CUL3: variants seen among roughly 807,000 people sequenced by gnomAD.
CUL3 encodes the protein cullin 3, also known as cullin-3.
A neutral mutation model predicts 89.1 loss-of-function variants in CUL3; 19 were observed. That is an observed-to-expected ratio of 0.21 (90% CI 0.15 to 0.31). The LOEUF is 0.31. Ranked by LOEUF, CUL3 falls within the 10% of genes least tolerant of loss-of-function variation. The pLI, the probability that CUL3 is intolerant of heterozygous loss-of-function variation, is 1.00. For synonymous variants in CUL3, 351 were observed against 308.4 expected, an observed-to-expected ratio of 1.14 and a Z score of -1.45; for missense variants, 469 against 942.3, an observed-to-expected ratio of 0.50 and a Z score of 6.58.
At chr2:224,488,469 C>G (rs1271714291) in intron 13 of CUL3, among the ~76,000 whole-genome samples, 1 of 152,186 alleles carries the variant, frequency 6.6e-6, no homozygotes, top group Non-Finnish European at 1.5e-5. Flanking sequence ...AAACTACCAT[C>G]AGGGAATACT....
At chr2:224,536,872 C>T (rs946614038) in intron 2 of CUL3, among the ~76,000 whole-genome samples, 7 of 152,292 alleles carry the variant, frequency 4.6e-5, no homozygotes, top group East Asian at 3.9e-4. Context: ...ATCACAAAGT[C>T]GTCGTGTGTT....
At chr2:224,545,762 A>G (rs1025425834) in intron 2 of CUL3, among the ~76,000 whole-genome samples, 2 of 152,178 alleles carry the variant, frequency 1.3e-5, no homozygotes, top group Non-Finnish European at 2.9e-5. Flanking sequence ...AATGACCTCA[A>G]TACAAAGTAG....
At chr2:224,478,138 A>G in intron 15 of CUL3, 62 bp downstream of exon 15, 1 of 1,480,594 alleles carries the variant, frequency 6.8e-7, no homozygotes, top group Admixed American at 2.2e-5. Context: ...AGTTGAATAC[A>G]ATAATTTTGT....
intron 3 of CUL3, among the ~76,000 whole-genome samples, chr2:224,535,284 C>T (rs763566025): frequency 6.6e-6 from 1 of 152,170 alleles, no homozygotes; most frequent in Non-Finnish European, 1.5e-5. Flanking sequence ...AGCGATTCTC[C>T]TGCCTCAGCC....
In CUL3 at chr2:224,585,212, C is replaced by G. The variant is rs1166861796; in HGVS notation, c.-203G>C. 5.4e-6 allele frequency: 2 copies of G among 367,554 alleles called. No homozygotes were observed. Among genetic ancestry groups the G allele is most frequent in the Admixed American group, 9.5e-5 (2 of 20,946 alleles). 22.8% of individuals were successfully genotyped at this position (367,554 alleles called of 1,614,324 possible). ...GCGGCGGCGGCGGCTCGGACTCTGG[C>G]GACTCCGATGCGGCTGGGGGGCTGC... On this transcript the variant is annotated 5_prime_UTR_variant, in exon 1 of 16. Coordinates refer to ENST00000264414, the MANE Select transcript of CUL3 (RefSeq NM_003590.5).
chr2:224,560,388 G>C (rs1179451241), intron 1 of CUL3: 2 of 152,084 alleles, frequency 1.3e-5, no homozygotes, highest in African/African-American at 4.8e-5. Context: ...CATATATCCA[G>C]CTACCTACTC....
intron 1 of CUL3, among the ~76,000 whole-genome samples, chr2:224,577,084 AAAC>A (rs1206139766): frequency 1.3e-5 from 2 of 152,266 alleles, no homozygotes; most frequent in Non-Finnish European, 2.9e-5. Flanking sequence ...CTGCTTGCAA[AAAC>A]AACATCCAAT....
chr2:224,548,363 A>G (rs564785606), intron 2 of CUL3, among the ~76,000 whole-genome samples: 60 of 152,366 alleles, frequency 3.9e-4, no homozygotes, highest in Non-Finnish European at 7.6e-4. Flanking sequence ...GCTTCCTCCC[A>G]TTCAATCGGA....
At chr2:224,497,936 T>G (rs958332530) in intron 11 of CUL3, 87 bp from the exon 12 acceptor site, 15 of 923,168 alleles carry the variant, frequency 1.6e-5, no homozygotes, top group African/African-American at 3.3e-5. Context: ...CCTTAAACAT[T>G]TGTGTGTGTG....
rs1694813311 is a variant in CUL3 at position 224,558,874 on chromosome 2, TA to T, written c.67-1019del. On this transcript the variant is annotated intron_variant, in intron 1 of 15. Coordinates refer to ENST00000264414, the MANE Select transcript of CUL3 (RefSeq NM_003590.5). ...TGGCTAATACGGTCTCTACTAAATA[TA>T]CAAAAAATATACTAAATATACAAAA... Among the ~76,000 whole-genome samples the T allele has an allele frequency of 5.5e-4, 6 of 10,934 alleles. No individual in the cohort carries two copies. In the African/African-American group the frequency reaches 8.2e-3, roughly 15 times the overall value. 7.2% of individuals were successfully genotyped at this position (10,934 alleles called of 152,430 possible).
intron 6 of CUL3, 63 bp from the exon 7 acceptor site, chr2:224,507,066 T>G: frequency 6.7e-7 from 1 of 1,501,796 alleles, no homozygotes; most frequent in Non-Finnish European, 9.1e-7. Context: ...CGAATCTCTG[T>G]TCACGCTATA....
intron 13 of CUL3, among the ~76,000 whole-genome samples, chr2:224,483,871 C>T (rs1471329032): frequency 6.6e-6 from 1 of 152,130 alleles, no homozygotes; most frequent in African/African-American, 2.4e-5. Flanking sequence ...TCTAGAAATG[C>T]ACTTGCTTCC....
intron 3 of CUL3, among the ~76,000 whole-genome samples, chr2:224,525,361 A>G (rs1266808437): frequency 6.6e-6 from 1 of 152,204 alleles, no homozygotes; most frequent in Non-Finnish European, 1.5e-5. Flanking sequence ...CAGTAAATGT[A>G]TGATTTTGGC....
intron 1 of CUL3, among the ~76,000 whole-genome samples, chr2:224,560,269 GT>G (rs571614875): frequency 2.6e-4 from 39 of 148,632 alleles, no homozygotes; most frequent in African/African-American, 5.7e-4. Context: ...TTTGTTTTTT[GT>G]TTTTTTTTAG....
At chr2:224,580,482 A>G (rs1695407411) in intron 1 of CUL3, among the ~76,000 whole-genome samples, 1 of 152,164 alleles carries the variant, frequency 6.6e-6, no homozygotes, top group Admixed American at 6.5e-5. Flanking sequence ...TCAGGAGTTC[A>G]AGACCAGCCT....
chr2:224,582,999 T>C (rs1329251089), intron 1 of CUL3, among the ~76,000 whole-genome samples: 1 of 152,178 alleles, frequency 6.6e-6, no homozygotes, highest in Non-Finnish European at 1.5e-5. Flanking sequence ...AAATTTGAGT[T>C]ACTCCACATT....
rs886055691 is a variant in CUL3 at position 224,472,739 on chromosome 2, C to T, written c.*1506G>A. 36 of 195,628 alleles carry T rather than the reference C, an allele frequency of 1.8e-4. No homozygotes were observed. The highest frequency in any genetic ancestry group is 3.3e-4 in the Non-Finnish European group (31 of 93,976). 12.1% of individuals were successfully genotyped at this position (195,628 alleles called of 1,614,324 possible). On this transcript the variant is annotated 3_prime_UTR_variant, in exon 16 of 16. Transcript: ENST00000264414. Reference sequence around the variant, plus strand: ...CTAAAAGGAAAATTATAACCCAAGACGCATGGGGAAAAATATTTATGTGGA... The same window carrying T: ...CTAAAAGGAAAATTATAACCCAAGATGCATGGGGAAAAATATTTATGTGGA...
intron 2 of CUL3, among the ~76,000 whole-genome samples, chr2:224,553,850 C>G (rs972563951): frequency 6.6e-6 from 1 of 152,192 alleles, no homozygotes; most frequent in Non-Finnish European, 1.5e-5. Flanking sequence ...GTTTAAGCCA[C>G]CTGGTTTATG....
At chr2:224,563,614 T>C (rs994716600) in intron 1 of CUL3, among the ~76,000 whole-genome samples, 3 of 152,176 alleles carry the variant, frequency 2.0e-5, no homozygotes, top group African/African-American at 7.2e-5. Flanking sequence ...AATAAAAAAT[T>C]CCAGAAATAT....
Sources: allele counts gnomAD v4.1 joint callset (sites outside exome capture counted in the v4.1 genomes callset), GRCh38; gene constraint gnomAD v4.1.1; transcripts MANE v1.5; gene names NCBI Gene and HGNC (gene_info 2026-07-23, HGNC 2026-07-21).